KRT6A: variants seen among roughly 807,000 people sequenced by gnomAD.
KRT6A encodes the protein keratin, type II cytoskeletal 6A.
A neutral mutation model predicts 48.6 loss-of-function variants in KRT6A; 28 were observed. The ratio of observed to expected loss-of-function variants is 0.58; its 90% CI spans 0.43 to 0.79. The LOEUF (loss-of-function observed/expected upper bound fraction) is 0.79, where lower values mean the gene tolerates loss of function less well. Ranked by LOEUF, KRT6A falls within the 30% of genes least tolerant of loss-of-function variation. KRT6A has a pLI of 0.00. For missense variants in KRT6A, 687 were observed against 724.3 expected (o/e 0.95, Z 0.59); for synonymous variants, 301 against 294.2 (o/e 1.02, Z -0.24).
In KRT6A at chr12:52,492,961, G is replaced by A; in HGVS notation, c.228C>T (p.Ser76=). ...TGCCATAGCCGCCACTGATGGCACAGCTGCCCCCTCCAATGGAGATCCTCT... is the reference window on the plus strand; with the variant it reads ...TGCCATAGCCGCCACTGATGGCACAACTGCCCCCTCCAATGGAGATCCTCT... ...GSKRISIGGG[S]CAISGGYGSR... Residue 76 remains serine, a synonymous_variant, in exon 1 of 9, where the codon AGC becomes AGT. Transcript: ENST00000330722. The A allele has an allele frequency of 1.9e-6, 3 of 1,610,040 alleles. No individual in the cohort carries two copies. Among genetic ancestry groups the A allele is most frequent in the Non-Finnish European group, 2.5e-6 (3 of 1,178,674 alleles).
intron 6 of KRT6A, among the ~76,000 whole-genome samples, chr12:52,489,366 C>T (rs1396191412): frequency 1.3e-5 from 2 of 152,164 alleles, no homozygotes; most frequent in African/African-American, 2.4e-5. Context: ...GCAACCTCCA[C>T]CTCCCAGGCT....
In KRT6A at chr12:52,490,578, G is replaced by C. The variant is rs1234973594; in HGVS notation, c.1068C>G (p.Tyr356Ter). The change falls in exon 5 of 9, where the codon TAC (tyrosine) becomes TAG (stop). Residue 356 changes from tyrosine to a stop codon, truncating the protein, a stop_gained. Coordinates refer to ENST00000330722, the MANE Select transcript of KRT6A (RefSeq NM_005554.4). LOFTEE classifies it high-confidence loss of function. Reference sequence around the variant, plus strand: ...CCCACTCCCTGCTCACCTTGGTCTGGTACCAGGACTCAGCCTCAGCCCGGC... The same window carrying C: ...CCCACTCCCTGCTCACCTTGGTCTGCTACCAGGACTCAGCCTCAGCCCGGC... The part of the protein sequence containing the change: ...QRSRAEAESW[Y>*]QTKYEELQVT... 3.1e-6 allele frequency: 5 copies of C among 1,614,054 alleles called. No homozygotes were observed. Among genetic ancestry groups the C allele is most frequent in the Non-Finnish European group, 4.2e-6 (5 of 1,180,036 alleles).
In KRT6A at chr12:52,492,795, G is replaced by C; in HGVS notation, c.394C>G (p.Pro132Ala). The change falls in exon 1 of 9, where the codon CCT (proline) becomes GCT (alanine). Residue 132 changes from proline (P) to alanine (A), a missense_variant. Coordinates refer to ENST00000330722, the MANE Select transcript of KRT6A (RefSeq NM_005554.4). ...ACGGTGACCTCTTGGATGCCTCCAG[G>C]GGGGCACACAGGGAAGCCAGGGCCC... The part of the protein sequence containing the change: ...FGGPGFPVCP[P>A]GGIQEVTVNQ... 1.2e-6 allele frequency: 2 copies of C among 1,613,370 alleles called. No individual in the cohort carries two copies. The highest frequency in any genetic ancestry group is 1.3e-5 in the African/African-American group (1 of 74,840).
chr12:52,489,608 A>G (rs1388640395), intron 6 of KRT6A, among the ~76,000 whole-genome samples: 1 of 152,142 alleles, frequency 6.6e-6, no homozygotes, highest in Non-Finnish European at 1.5e-5. Flanking sequence ...GTTTTAGCTT[A>G]TCAGCTATTG....
Position 52,488,479 on chromosome 12 carries a change from T to G in KRT6A, c.1273A>C (p.Asn425His), listed in dbSNP as rs540683446. 1.2e-6 allele frequency: 2 copies of G among 1,614,150 alleles called. No homozygotes were observed. Among genetic ancestry groups the G allele is most frequent in the South Asian group, 2.2e-5 (2 of 91,074 alleles). ...RGEMALKDAK[N>H]KLEGLEDALQ... ...GCATCCTCCAGCCCTTCCAGCTTGT[T>G]CTTGGCATCCTTGAGGGCCATCTCC... is the stretch of plus-strand genomic sequence containing the variant. Residue 425 changes from asparagine to histidine, a missense_variant, in exon 7 of 9, where the codon AAC becomes CAC. Around this residue, in one of 3 missense-constraint regions of KRT6A, gnomAD observed 566 missense variants for 565.3 expected, o/e 1.00. Transcript: ENST00000330722.
In KRT6A at chr12:52,487,386, T is replaced by G. The variant is rs1938161608; in HGVS notation, c.*334A>C. 2.8e-6 allele frequency: 1 copy of G among 362,136 alleles called. No homozygotes were observed. Among genetic ancestry groups the G allele is most frequent in the African/African-American group, 2.1e-5 (1 of 48,322 alleles). The allele number at this position is 362,136 out of a possible 1,614,324, so 22.4% of individuals were successfully genotyped here. ...GTTCTGAAATAAGCCCCTGGCAATT[T>G]TCTGCAATGAAAAGGAGCAGAGGTC... On this transcript the variant is annotated 3_prime_UTR_variant, in exon 9 of 9. Transcript: ENST00000330722.
Position 52,488,077 on chromosome 12 carries a change from A to G in KRT6A, c.1451T>C (p.Val484Ala), listed in dbSNP as rs1213126139. The G allele has an allele frequency of 1.2e-6, 2 of 1,613,914 alleles. No homozygotes were observed. Among genetic ancestry groups the G allele is most frequent in the Non-Finnish European group, 1.7e-6 (2 of 1,179,928 alleles). ...CAAGCAAAGGTACTTACAGATGTTG[A>G]CTTGTCCAACGCCTTCGCCATTCAG... is the stretch of plus-strand genomic sequence containing the variant. ...CRLNGEGVGQVNISVVQSTVS... is the reference protein window; with the variant it reads ...CRLNGEGVGQANISVVQSTVS... Residue 484 changes from valine to alanine, a missense_variant, in exon 8 of 9, where the codon GTC becomes GCC. By Grantham distance (64) the Val-to-Ala change is moderately conservative. This residue lies in a region of KRT6A where 566 missense variants were observed against 565.3 expected (regional missense o/e 1.00). Coordinates refer to ENST00000330722, the MANE Select transcript of KRT6A (RefSeq NM_005554.4).
intron 7 of KRT6A, 90 bp downstream of exon 7, chr12:52,488,238 G>A: frequency 6.2e-7 from 1 of 1,613,002 alleles, no homozygotes; most frequent in South Asian, 1.1e-5. Flanking sequence ...AGCAATTATG[G>A]CCATGGGCAG....
chr12:52,487,353 T>C lies in KRT6A; in HGVS notation c.*367A>G, dbSNP rs951322627. The C allele has an allele frequency of 6.3e-6, 2 of 316,902 alleles. No homozygotes were observed. The highest frequency in any genetic ancestry group is 3.5e-5 in the South Asian group (1 of 28,882). 19.6% of individuals were successfully genotyped at this position (316,902 alleles called of 1,614,324 possible). A position where few individuals can be genotyped will look rare whatever the true frequency, so the allele number is the denominator to read the frequency against. ...AGTTTGAGAGCCAGTGGAAAGTAAG[T>C]GGAAGTTGTTCTGAAATAAGCCCCT... is the stretch of plus-strand genomic sequence containing the variant. On this transcript the variant is annotated 3_prime_UTR_variant, in exon 9 of 9. Coordinates refer to ENST00000330722, the MANE Select transcript of KRT6A (RefSeq NM_005554.4).
Position 52,487,663 on chromosome 12 carries a change from G to A in KRT6A, c.*57C>T, listed in dbSNP as rs1392924512. On this transcript the variant is annotated 3_prime_UTR_variant, in exon 9 of 9. Coordinates refer to ENST00000330722, the MANE Select transcript of KRT6A (RefSeq NM_005554.4). ...AGAGGAAAGGCAACCTGAGGAGAGGGCTCTGCAGCCAGAGAGGGGCCTGAG... is the reference window on the plus strand; with the variant it reads ...AGAGGAAAGGCAACCTGAGGAGAGGACTCTGCAGCCAGAGAGGGGCCTGAG... 1 of 1,610,250 alleles carries A rather than the reference G, an allele frequency of 6.2e-7. No homozygotes were observed. The highest frequency in any genetic ancestry group is 1.3e-5 in the African/African-American group (1 of 74,846).
chr12:52,489,346 T>C (rs961857522), intron 6 of KRT6A, among the ~76,000 whole-genome samples: 25 of 152,146 alleles, frequency 1.6e-4, no homozygotes, highest in African/African-American at 5.8e-4. Context: ...TGGCGCGGTA[T>C]CGACTCACTG....
In KRT6A at chr12:52,492,712, C is replaced by A. The variant is rs751275315; in HGVS notation, c.477G>T (p.Val159=). The change falls in exon 1 of 9, where the codon GTG becomes GTT. Residue 159 remains valine (V), a synonymous_variant. Transcript: ENST00000330722. ...NLQIDPTIQR[V]RAEEREQIKT... is the part of the protein sequence containing the mutation. ...TGATCTGTTCACGCTCCTCAGCCCG[C>A]ACCCGCTGGATGGTGGGATCGATTT... 1 of 1,614,052 alleles carries A rather than the reference C, an allele frequency of 6.2e-7. No homozygotes were observed. Among genetic ancestry groups the A allele is most frequent in the South Asian group, 1.1e-5 (1 of 91,062 alleles).
In KRT6A at chr12:52,492,642, G is replaced by A; in HGVS notation, c.540+7C>T. On this transcript the variant is annotated splice_region_variant and intron_variant, in intron 1 of 8. Coordinates refer to ENST00000330722, the MANE Select transcript of KRT6A (RefSeq NM_005554.4). Reference sequence around the variant, plus strand: ...AGTGCCCCATGGAGGGCATGGCACTGGCTCACCTTGTCGATGAAGGAGGCA... The same window carrying A: ...AGTGCCCCATGGAGGGCATGGCACTAGCTCACCTTGTCGATGAAGGAGGCA... 1 of 1,614,014 alleles carries A rather than the reference G, an allele frequency of 6.2e-7. No homozygotes were observed. The highest frequency in any genetic ancestry group is 8.5e-7 in the Non-Finnish European group (1 of 1,179,914).
chr12:52,489,470 G>A (rs143488775), intron 6 of KRT6A, among the ~76,000 whole-genome samples: 3,058 of 152,026 alleles, frequency 0.02, 107 homozygotes, highest in African/African-American at 0.07. Context: ...TAATAGAGGC[G>A]GCGTTTCACC....
chr12:52,489,992 T>A lies in KRT6A; in HGVS notation c.1154A>T (p.Asn385Ile). The change falls in exon 6 of 9, where the codon AAC becomes ATC. Residue 385 changes from asparagine to isoleucine, a missense_variant. This residue lies in a region of KRT6A where 566 missense variants were observed against 565.3 expected (regional missense o/e 1.00). Transcript: ENST00000330722. ...RNTKQEIAEI[N>I]RMIQRLRSEI... ...AGATCTCAGCCTCTGGATCATGCGGTTGATCTCAGCAATCTCCTGCTTGGT... is the reference window on the plus strand; with the variant it reads ...AGATCTCAGCCTCTGGATCATGCGGATGATCTCAGCAATCTCCTGCTTGGT... 1 of 1,614,106 alleles carries A rather than the reference T, an allele frequency of 6.2e-7. No individual in the cohort carries two copies. Among genetic ancestry groups the A allele is most frequent in the South Asian group, 1.1e-5 (1 of 91,078 alleles).
chr12:52,490,292 A>G (rs1938237221), intron 5 of KRT6A: 18 of 993,948 alleles, frequency 1.8e-5, no homozygotes, highest in Non-Finnish European at 2.5e-5. Context: ...GGGAGTAGAA[A>G]TGTTCTGTAC....
chr12:52,488,622 C>T, intron 6 of KRT6A, 74 bp from the exon 7 acceptor site: 1 of 1,359,684 alleles, frequency 7.4e-7, no homozygotes, highest in Non-Finnish European at 9.8e-7. Context: ...TGGTTATTTC[C>T]TAGTGAAGGG....
chr12:52,491,035 C>T lies in KRT6A; in HGVS notation c.816+77G>A, dbSNP rs562174310. On this transcript the variant is annotated intron_variant, in intron 3 of 8. Coordinates refer to ENST00000330722, the MANE Select transcript of KRT6A (RefSeq NM_005554.4). ...TCTTCTAGTCTCCATGCCAATTCTC[C>T]TCTCCCAGGGGAGCGAGGACACAAA... 4.3e-6 allele frequency: 7 copies of T among 1,613,952 alleles called. No homozygotes were observed. In the African/African-American group the frequency reaches 9.3e-5, roughly 22 times the overall value.
chr12:52,487,942 G>A lies in KRT6A; in HGVS notation c.1473C>T (p.Ser491=). The A allele has an allele frequency of 1.2e-6, 2 of 1,614,124 alleles. No individual in the cohort carries two copies. Among genetic ancestry groups the A allele is most frequent in the African/African-American group, 2.7e-5 (2 of 75,056 alleles). The change falls in exon 9 of 9, where the codon TCC becomes TCT. Residue 491 remains serine (S), a synonymous_variant. Transcript: ENST00000330722. ...CACCGCCATAGCCACTGGAGACGGT[G>A]GACTGCACCACAGCTGTGATGGGGA... The part of the protein sequence containing the change: ...VGQVNISVVQ[S]TVSSGYGGAS...
Sources: allele counts gnomAD v4.1 joint callset (sites outside exome capture counted in the v4.1 genomes callset), GRCh38; gene constraint gnomAD v4.1.1; regional missense constraint gnomAD v4.1.1; transcripts MANE v1.5; gene names NCBI Gene and HGNC (gene_info 2026-07-23, HGNC 2026-07-21).